The following SDR42E1 variants were observed in gnomAD, a reference collection of about 807,000 sequenced individuals.
SDR42E1 encodes the protein short chain dehydrogenase/reductase family 42E, member 1.
In SDR42E1, 5 loss-of-function variants were observed where a neutral mutation model predicts 2.6. The ratio of observed to expected loss-of-function variants is 1.94; its 90% CI spans 1.01 to 4.08. SDR42E1 has a LOEUF of 4.08. SDR42E1 is among the 30% of genes most tolerant of loss of function. SDR42E1 has a pLI of 0.00. For synonymous variants in SDR42E1, 231 were observed against 188.3 expected (o/e 1.23, Z -1.86); for missense variants, 596 against 478.6 (o/e 1.25, Z -2.29).
At chr16:82,001,845 T>C (rs1350684144) in intron 1 of SDR42E1, among the ~76,000 whole-genome samples, 1 of 145,760 alleles carries the variant, frequency 6.9e-6, no homozygotes, top group Non-Finnish European at 1.5e-5. Context: ...TAGCTGGCAA[T>C]GAGCGAAGAT....
rs1040249788 is a variant in SDR42E1 at position 81,994,651 on chromosome 16, G to A, written c.*4460C>T. 2 of 152,186 alleles carry A rather than the reference G, an allele frequency of 1.3e-5. No individual in the cohort carries two copies. Among genetic ancestry groups the A allele is most frequent in the African/African-American group, 4.8e-5 (2 of 41,430 alleles). The allele number at this position is 152,186 out of a possible 1,614,324, so 9.4% of individuals were successfully genotyped here. A position where few individuals can be genotyped will look rare whatever the true frequency, so the allele number is the denominator to read the frequency against. On this transcript the variant is annotated 3_prime_UTR_variant, in exon 3 of 3. Coordinates refer to ENST00000328945, the MANE Select transcript of SDR42E1 (RefSeq NM_145168.3). The stretch of plus-strand genomic sequence containing the variant: ...TGGTGAAGATTTTAATAACATTGCT[G>A]GTGCTGGCTTCCAAGGCCAGCCAGC...
intron 1 of SDR42E1, among the ~76,000 whole-genome samples, chr16:82,009,887 T>TG (rs1234317143): frequency 7.2e-5 from 11 of 152,236 alleles, no homozygotes; most frequent in Admixed American, 7.2e-4. Flanking sequence ...CCACGTGTCC[T>TG]GGGAGGGACC....
intron 1 of SDR42E1, among the ~76,000 whole-genome samples, chr16:82,008,032 G>A (rs1479767299): frequency 6.6e-6 from 1 of 152,116 alleles, no homozygotes; most frequent in Non-Finnish European, 1.5e-5. Context: ...GAATCATGGG[G>A]GCGGGTCTTT....
intron 1 of SDR42E1, among the ~76,000 whole-genome samples, chr16:82,004,102 A>T (rs1432826836): frequency 1.3e-5 from 2 of 152,258 alleles, no homozygotes; most frequent in African/African-American, 4.8e-5. Flanking sequence ...ACAAATAAGA[A>T]AGAGGCTTCT....
Position 81,994,452 on chromosome 16 carries a change from G to C in SDR42E1, c.*4659C>G, listed in dbSNP as rs955135445. 1.3e-5 allele frequency: 2 copies of C among 152,252 alleles called. No individual in the cohort carries two copies. The highest frequency in any genetic ancestry group is 4.8e-5 in the African/African-American group (2 of 41,444). The allele number at this position is 152,252 out of a possible 1,614,324, so 9.4% of individuals were successfully genotyped here. A position where few individuals can be genotyped will look rare whatever the true frequency, so the allele number is the denominator to read the frequency against. Reference sequence around the variant, plus strand: ...TGGCCCATCGTGGCCCAATGACTGCGGCCGAAGGATGGAAGTCCTGTGAGC... The same window carrying C: ...TGGCCCATCGTGGCCCAATGACTGCCGCCGAAGGATGGAAGTCCTGTGAGC... On this transcript the variant is annotated 3_prime_UTR_variant, in exon 3 of 3. Transcript: ENST00000328945.
rs1374404573 is a variant in SDR42E1 at position 81,999,957 on chromosome 16, C to T, written c.336G>A (p.Arg112=). 1 of 1,614,210 alleles carries T rather than the reference C, an allele frequency of 6.2e-7. No individual in the cohort carries two copies. Among genetic ancestry groups the T allele is most frequent in the Non-Finnish European group, 8.5e-7 (1 of 1,180,052 alleles). Residue 112 remains arginine (R), a synonymous_variant, in exon 3 of 3, where the codon AGG becomes AGA. Coordinates refer to ENST00000328945, the MANE Select transcript of SDR42E1 (RefSeq NM_145168.3). ...GTDNILQVCQ[R]RRVPRLVYTS... ...TGTAAACTAACCTGGGCACCCTTCT[C>T]CTTTGGCAAACCTGGAGGATGTTGT...
In SDR42E1 at chr16:82,000,865, C is replaced by T; in HGVS notation, c.-7G>A. 1 of 1,611,566 alleles carries T rather than the reference C, an allele frequency of 6.2e-7. No individual in the cohort carries two copies. ...GAGATCTTTTGGGGTCCATATGTGG[C>T]AGTCAAAAGATAACTGGACCTGAAG... On this transcript the variant is annotated 5_prime_UTR_variant, in exon 2 of 3. Coordinates refer to ENST00000328945, the MANE Select transcript of SDR42E1 (RefSeq NM_145168.3).
In SDR42E1 at chr16:82,001,977, C is replaced by G. The variant is rs568660144; in HGVS notation, c.-26-1093G>C. On this transcript the variant is annotated intron_variant, in intron 1 of 2. Coordinates refer to ENST00000328945, the MANE Select transcript of SDR42E1 (RefSeq NM_145168.3). ...GGGTGCGTATACACACACACACACA[C>G]ACACACACACACACATATACCTGTG... is the stretch of plus-strand genomic sequence containing the variant. 6.6e-5 allele frequency among the ~76,000 whole-genome samples: 10 copies of G among 150,662 alleles called. No homozygotes were observed. The East Asian group carries it at 1.6e-3, about 23-fold the overall frequency.
Position 81,993,674 on chromosome 16 carries a change from A to C in SDR42E1, c.*5437T>G. On this transcript the variant is annotated 3_prime_UTR_variant, in exon 3 of 3. Transcript: ENST00000328945. ...AAGGGACCACCTGGCTGATAAGTGC[A>C]TTCACCCCGTCAACAAGCATTTATT... 1 of 152,172 alleles carries C rather than the reference A, an allele frequency of 6.6e-6. No homozygotes were observed. The highest frequency in any genetic ancestry group is 1.9e-4 in the East Asian group (1 of 5,192). 9.4% of individuals were successfully genotyped at this position (152,172 alleles called of 1,614,324 possible). A position where few individuals can be genotyped will look rare whatever the true frequency, so the allele number is the denominator to read the frequency against.
chr16:81,992,533 T>G lies in SDR42E1; in HGVS notation c.*6578A>C, dbSNP rs1912450827. 1 of 152,170 alleles carries G rather than the reference T, an allele frequency of 6.6e-6. No individual in the cohort carries two copies. The highest frequency in any genetic ancestry group is 1.5e-5 in the Non-Finnish European group (1 of 68,034). 9.4% of individuals were successfully genotyped at this position (152,170 alleles called of 1,614,324 possible). On this transcript the variant is annotated 3_prime_UTR_variant, in exon 3 of 3. Coordinates refer to ENST00000328945, the MANE Select transcript of SDR42E1 (RefSeq NM_145168.3). ...AAATATATATATGGGTAAGACAGTA[T>G]TTTACTCTTGGATCTGAAATATGGC...
At chr16:82,010,902 C>T (rs1471093700) in intron 1 of SDR42E1, among the ~76,000 whole-genome samples, 1 of 152,242 alleles carries the variant, frequency 6.6e-6, no homozygotes, top group Non-Finnish European at 1.5e-5. Context: ...ATTTCTGTCA[C>T]ATCTGATTCA....
chr16:81,996,419 C>T lies in SDR42E1; in HGVS notation c.*2692G>A, dbSNP rs576457628. ...AGAGGGCAGGGGTCAGGGATTATCC[C>T]AGATCTCTGGGATGGGAAATTCAGC... On this transcript the variant is annotated 3_prime_UTR_variant, in exon 3 of 3. Transcript: ENST00000328945. 3.3e-5 allele frequency: 5 copies of T among 152,080 alleles called. No homozygotes were observed. Among genetic ancestry groups the T allele is most frequent in the African/African-American group, 4.8e-5 (2 of 41,406 alleles). The allele number at this position is 152,080 out of a possible 1,614,324, so 9.4% of individuals were successfully genotyped here.
chr16:82,006,449 G>C (rs764208356), intron 1 of SDR42E1, among the ~76,000 whole-genome samples: 7 of 152,204 alleles, frequency 4.6e-5, no homozygotes, highest in Admixed American at 2.6e-4. Context: ...TATGCAGTTA[G>C]AGGGATAAGG....
rs1261888879 is a variant in SDR42E1 at position 81,999,422 on chromosome 16, C to A, written c.871G>T (p.Ala291Ser). 6.2e-7 allele frequency: 1 copy of A among 1,614,054 alleles called. No homozygotes were observed. Among genetic ancestry groups the A allele is most frequent in the African/African-American group, 1.3e-5 (1 of 74,916 alleles). ...AAGTGAACCATCTCTGTTAGAAAAGCAAAGCAGTAGACCAAGGTCAATGGC... is the reference window on the plus strand; with the variant it reads ...AAGTGAACCATCTCTGTTAGAAAAGAAAAGCAGTAGACCAAGGTCAATGGC... Reference protein sequence around the residue: ...RLPLTLVYCFAFLTEMVHFIL... With the variant: ...RLPLTLVYCFSFLTEMVHFIL... Residue 291 changes from alanine to serine, a missense_variant, in exon 3 of 3, where the codon GCT (alanine) becomes TCT (serine). Physicochemically the swap from Ala to Ser is moderately conservative, Grantham distance 99 (BLOSUM62 1). Coordinates refer to ENST00000328945, the MANE Select transcript of SDR42E1 (RefSeq NM_145168.3).
rs1336508524 is a variant in SDR42E1 at position 81,995,942 on chromosome 16, G to C, written c.*3169C>G. On this transcript the variant is annotated 3_prime_UTR_variant, in exon 3 of 3. Coordinates refer to ENST00000328945, the MANE Select transcript of SDR42E1 (RefSeq NM_145168.3). ...CCAATCTTAAATTGCTGGGATCAGT[G>C]AAGGCCTCTAGAAAGAGACTTAACA... is the stretch of plus-strand genomic sequence containing the variant. 1.3e-5 allele frequency: 2 copies of C among 152,192 alleles called. No individual in the cohort carries two copies. Among genetic ancestry groups the C allele is most frequent in the African/African-American group, 4.8e-5 (2 of 41,436 alleles). The allele number at this position is 152,192 out of a possible 1,614,324, so 9.4% of individuals were successfully genotyped here. A position where few individuals can be genotyped will look rare whatever the true frequency, so the allele number is the denominator to read the frequency against.
rs1388683448 is a variant in SDR42E1, at chr16:81,989,404, C to T, written c.*9707G>A. The T allele has an allele frequency of 3.9e-5, 6 of 152,128 alleles. No individual in the cohort carries two copies. The highest frequency in any genetic ancestry group is 6.5e-5 in the Admixed American group (1 of 15,280). The allele number at this position is 152,128 out of a possible 1,614,324, so 9.4% of individuals were successfully genotyped here. The stretch of plus-strand genomic sequence containing the variant: ...GACATTAGTAAAAGGGGTCTTTGGC[C>T]TTATCCGTAATATTTTAACATTATA... On this transcript the variant is annotated 3_prime_UTR_variant, in exon 3 of 3. Coordinates refer to ENST00000328945, the MANE Select transcript of SDR42E1 (RefSeq NM_145168.3).
In SDR42E1 at chr16:81,999,614, T is replaced by C; in HGVS notation, c.679A>G (p.Asn227Asp). The change falls in exon 3 of 3, where the codon AAC becomes GAC. Residue 227 changes from asparagine to aspartate, a missense_variant. Asn to Asp is a conservative substitution (Grantham distance 23). Coordinates refer to ENST00000328945, the MANE Select transcript of SDR42E1 (RefSeq NM_145168.3). ...RSLVEFVHVD[N>D]LVQAHILASE... is the part of the protein sequence containing the mutation. ...GCCAGAATGTGAGCCTGCACCAAGT[T>C]ATCCACGTGGACAAACTCAACCAGG... The C allele has an allele frequency of 6.2e-7, 1 of 1,614,054 alleles. No individual in the cohort carries two copies. Among genetic ancestry groups the C allele is most frequent in the Non-Finnish European group, 8.5e-7 (1 of 1,180,008 alleles).
In SDR42E1 at chr16:81,989,988, A is replaced by C. The variant is rs1912391507; in HGVS notation, c.*9123T>G. 1.3e-5 allele frequency: 2 copies of C among 152,426 alleles called. No homozygotes were observed. Among genetic ancestry groups the C allele is most frequent in the African/African-American group, 4.8e-5 (2 of 41,424 alleles). The allele number at this position is 152,426 out of a possible 1,614,324, so 9.4% of individuals were successfully genotyped here. ...ACTCCAGCCTGGGCCACAAGACCAA[A>C]ACTCCGTCTGAAACAGACAAACAAA... On this transcript the variant is annotated 3_prime_UTR_variant, in exon 3 of 3. Transcript: ENST00000328945.
chr16:82,001,969 C>CACACACAT (rs1160147810), intron 1 of SDR42E1, among the ~76,000 whole-genome samples: 1 of 149,934 alleles, frequency 6.7e-6, no homozygotes, highest in African/African-American at 2.5e-5. Flanking sequence ...TATACACACA[C>CACACACAT]ACACACACAC....
Sources: allele counts gnomAD v4.1 joint callset (sites outside exome capture counted in the v4.1 genomes callset), GRCh38; gene constraint gnomAD v4.1.1; transcripts MANE v1.5; gene names NCBI Gene and HGNC (gene_info 2026-07-23, HGNC 2026-07-21).